NEK4: variants seen among roughly 807,000 people sequenced by gnomAD.
NEK4 encodes serine/threonine-protein kinase Nek4.
A neutral mutation model predicts 98.4 loss-of-function variants in NEK4; 86 were observed. The ratio of observed to expected loss-of-function variants is 0.87; its 90% CI spans 0.73 to 1.05. The LOEUF (loss-of-function observed/expected upper bound fraction) is 1.05, where lower values mean the gene tolerates loss of function less well. Among genes scored for constraint, NEK4 ranks in the 50% least tolerant of loss-of-function variants. NEK4 has a pLI of 0.00. For missense variants in NEK4, 898 were observed against 950.3 expected (o/e 0.94, Z 0.72); for synonymous variants, 328 against 342.2 (o/e 0.96, Z 0.46).
chr3:52,733,422 T>C (rs2097371844), intron 15 of NEK4: 1 of 383,978 alleles, frequency 2.6e-6, no homozygotes, highest in South Asian at 2.2e-5. Flanking sequence ...GCCCATCTTG[T>C]AATCCATTCT....
At chr3:52,749,191 G>A (rs890963795) in intron 8 of NEK4, among the ~76,000 whole-genome samples, 1 of 151,986 alleles carries the variant, frequency 6.6e-6, no homozygotes, top group African/African-American at 2.4e-5. Flanking sequence ...GGAGTGCACT[G>A]GGTCAATCTC....
chr3:52,770,549 T>A (rs1698739686), intron 1 of NEK4, 105 bp downstream of exon 1: 1 of 829,404 alleles, frequency 1.2e-6, no homozygotes. Flanking sequence ...GGAAACGCCA[T>A]CCGAGATGAG....
chr3:52,737,568 A>G lies in NEK4; in HGVS notation c.2433+18T>C. On this transcript the variant is annotated intron_variant, in intron 15 of 15. Coordinates refer to ENST00000233027, the MANE Select transcript of NEK4 (RefSeq NM_003157.6). ...TTCTATAACATAAGCATCTTGATAC[A>G]GTTAATGAGACACTCACCTCTCTAT... is the stretch of plus-strand genomic sequence containing the variant. 1 of 1,613,014 alleles carries G rather than the reference A, an allele frequency of 6.2e-7. No individual in the cohort carries two copies. The highest frequency in any genetic ancestry group is 2.2e-5 in the East Asian group (1 of 44,888).
chr3:52,745,570 CT>C (rs2097394649), intron 10 of NEK4, among the ~76,000 whole-genome samples: 1 of 150,974 alleles, frequency 6.6e-6, no homozygotes, highest in South Asian at 2.1e-4. Context: ...CAGAGCGAGA[CT>C]CCACCTCAAA....
At chr3:52,759,118 A>G (rs888904131) in intron 6 of NEK4, among the ~76,000 whole-genome samples, 1 of 151,418 alleles carries the variant, frequency 6.6e-6, no homozygotes, top group African/African-American at 2.4e-5. Context: ...AAAAAAAAAA[A>G]AAGCCTGGGC....
At chr3:52,741,001 G>A (rs1199922523) in intron 13 of NEK4, among the ~76,000 whole-genome samples, 3 of 151,714 alleles carry the variant, frequency 2.0e-5, no homozygotes, top group Non-Finnish European at 4.4e-5. Context: ...TTGGGAGGCC[G>A]AGGTGGGCAG....
In NEK4 at chr3:52,765,874, G is replaced by A; in HGVS notation, c.666+13C>T. 6.7e-7 allele frequency: 1 copy of A among 1,486,218 alleles called. No individual in the cohort carries two copies. Among genetic ancestry groups the A allele is most frequent in the Non-Finnish European group, 9.4e-7 (1 of 1,065,530 alleles). 92.1% of individuals were successfully genotyped at this position (1,486,218 alleles called of 1,614,324 possible). ...TAGAAATACTGGTCAATTAGTTCTA[G>A]ATTATTCTTTACCTTTCCTTCAATA... On this transcript the variant is annotated intron_variant, in intron 4 of 15. Coordinates refer to ENST00000233027, the MANE Select transcript of NEK4 (RefSeq NM_003157.6).
Position 52,709,700 on chromosome 3 carries a change from C to CAAAAAAAAAAAAAAAAAACAAAA in NEK4, c.*2076_*2077insTTTTGTTTTTTTTTTTTTTTTTT. The CAAAAAAAAAAAAAAAAAACAAAA allele has an allele frequency of 1.5e-5, 1 of 65,380 alleles. No individual in the cohort carries two copies. The highest frequency in any genetic ancestry group is 2.8e-5 in the Non-Finnish European group (1 of 35,846). The allele number at this position is 65,380 out of a possible 1,614,324, so 4.0% of individuals were successfully genotyped here. ...TGGGTGACAGAGCAAGACCCTGTCTCAAAAAAAAAAAAAAAAAAAAAAGAT... is the reference window on the plus strand; with the variant it reads ...TGGGTGACAGAGCAAGACCCTGTCTCAAAAAAAAAAAAAAAAAACAAAAAAAAAAAAAAAAAAAAAAAAAAGAT... On this transcript the variant is annotated 3_prime_UTR_variant, in exon 16 of 16. Coordinates refer to ENST00000233027, the MANE Select transcript of NEK4 (RefSeq NM_003157.6).
At chr3:52,729,737 G>C (rs1405629205) in intron 15 of NEK4, among the ~76,000 whole-genome samples, 3 of 131,510 alleles carry the variant, frequency 2.3e-5, no homozygotes, top group Non-Finnish European at 3.3e-5. Flanking sequence ...TGCTTCACTT[G>C]ACTAGCCAAA....
chr3:52,746,497 T>C (rs972473121), intron 9 of NEK4, among the ~76,000 whole-genome samples: 7 of 152,208 alleles, frequency 4.6e-5, no homozygotes, highest in African/African-American at 1.7e-4. Flanking sequence ...TTAACCACAT[T>C]AGCCTATTCC....
At position 52,768,579 on chromosome 3, in the gene NEK4, C is replaced by A; in HGVS notation, c.119G>T (p.Arg40Leu). 1.2e-6 allele frequency: 2 copies of A among 1,614,078 alleles called. No homozygotes were observed. The highest frequency in any genetic ancestry group is 1.1e-5 in the South Asian group (1 of 91,076). Residue 40 changes from arginine to leucine, a missense_variant, in exon 2 of 16, where the codon CGA (arginine) becomes CTA (leucine). Physicochemically the swap from Arg to Leu is moderately radical, Grantham distance 102 (BLOSUM62 -2). Transcript: ENST00000233027. ...KQYVIKKLNL[R>L]NASSRERRAA... is the part of the protein sequence containing the mutation. ...TCGCCGCTCTCGGCTAGAGGCATTTCGGAGGTTCAGTTTTTTGATGACATA... is the reference window on the plus strand; with the variant it reads ...TCGCCGCTCTCGGCTAGAGGCATTTAGGAGGTTCAGTTTTTTGATGACATA...
At chr3:52,753,283 C>G (rs2097408818) in intron 6 of NEK4, among the ~76,000 whole-genome samples, 1 of 152,154 alleles carries the variant, frequency 6.6e-6, no homozygotes, top group Non-Finnish European at 1.5e-5. Flanking sequence ...GCCTGGTTGA[C>G]ACAGTTGAGA....
chr3:52,743,179 AATC>A (rs2097389638), intron 12 of NEK4, 170 bp downstream of exon 12: 1 of 579,826 alleles, frequency 1.7e-6, no homozygotes, highest in South Asian at 2.3e-5. Context: ...TTAATGGGTC[AATC>A]ATAATCCTTT....
rs114974923 is a variant in NEK4 at position 52,754,201 on chromosome 3, C to A, written c.964-1865G>T. The A allele has an allele frequency of 1.0e-3, 292 of 290,042 alleles. 2 individuals are homozygous for A. Among genetic ancestry groups the A allele is most frequent in the African/African-American group, 5.9e-3 (273 of 45,920 alleles). The allele number at this position is 290,042 out of a possible 1,614,324, so 18.0% of individuals were successfully genotyped here. A position where few individuals can be genotyped will look rare whatever the true frequency, so the allele number is the denominator to read the frequency against. On this transcript the variant is annotated intron_variant, in intron 6 of 15. Coordinates refer to ENST00000233027, the MANE Select transcript of NEK4 (RefSeq NM_003157.6). ...GTGTATTTAAGTTTGCAGTTTACATCCATCCCTAATTACTATCCAGATGGT... is the reference window on the plus strand; with the variant it reads ...GTGTATTTAAGTTTGCAGTTTACATACATCCCTAATTACTATCCAGATGGT...
intron 4 of NEK4, among the ~76,000 whole-genome samples, chr3:52,765,125 C>T (rs1324537397): frequency 1.3e-5 from 2 of 151,782 alleles, no homozygotes; most frequent in Non-Finnish European, 2.9e-5. Context: ...CTGAGGCGGG[C>T]GGATCACCTG....
chr3:52,715,046 G>A (rs571377130), intron 15 of NEK4, among the ~76,000 whole-genome samples: 1 of 152,350 alleles, frequency 6.6e-6, no homozygotes, highest in Middle Eastern at 3.4e-3. Context: ...AGGCAGACAG[G>A]CTACTGGGCA....
At position 52,744,318 on chromosome 3, in the gene NEK4, G is replaced by A; in HGVS notation, c.1828-13C>T. The A allele has an allele frequency of 1.9e-6, 3 of 1,595,946 alleles. No homozygotes were observed. The highest frequency in any genetic ancestry group is 2.6e-6 in the Non-Finnish European group (3 of 1,163,506). On this transcript the variant is annotated splice_polypyrimidine_tract_variant and intron_variant, in intron 10 of 15. Coordinates refer to ENST00000233027, the MANE Select transcript of NEK4 (RefSeq NM_003157.6). ...ATAATGGTCGATCCTTTAAAAGAAA[G>A]TCACAGAGTCACTTCCATTCCTACT...
At chr3:52,753,597 A>C in intron 6 of NEK4, 2 of 569,358 alleles carry the variant, frequency 3.5e-6, no homozygotes, top group East Asian at 9.4e-5. Context: ...TTGGCAGGGG[A>C]TGCAAAAACC....
intron 6 of NEK4, among the ~76,000 whole-genome samples, chr3:52,756,930 A>C (rs1230564784): frequency 6.6e-6 from 1 of 152,188 alleles, no homozygotes; most frequent in African/African-American, 2.4e-5. Context: ...CAACTCAAAA[A>C]TGGGCAAAGG....
Sources: gnomAD v4.1 joint callset for allele counts (sites outside exome capture counted in the v4.1 genomes callset) on GRCh38, gnomAD v4.1.1 for gene constraint, MANE v1.5 for transcripts, NCBI Gene and HGNC (gene_info 2026-07-23, HGNC 2026-07-21) for gene names.